The following SEMA3D variants were observed in gnomAD, a reference collection of about 807,000 sequenced individuals.
SEMA3D encodes the protein semaphorin-3D.
In SEMA3D, 84 loss-of-function variants were observed where a neutral mutation model predicts 100.1. That is an observed-to-expected ratio of 0.84 (90% CI 0.70 to 1.01). The LOEUF (loss-of-function observed/expected upper bound fraction) is 1.01. SEMA3D is among the 50% of genes least tolerant of loss of function. The pLI, the probability that SEMA3D is intolerant of heterozygous loss-of-function variation, is 0.00. For synonymous variants in SEMA3D, 312 were observed against 320.7 expected, an observed-to-expected ratio of 0.97 and a Z score of 0.29; for missense variants, 875 against 934.1, an observed-to-expected ratio of 0.94 and a Z score of 0.82.
chr7:85,080,384 G>T (rs1339329689), intron 5 of SEMA3D, among the ~76,000 whole-genome samples: 1 of 151,992 alleles, frequency 6.6e-6, no homozygotes, highest in East Asian at 1.9e-4. Flanking sequence ...ACAACCTTAG[G>T]CATTATATGT....
At chr7:85,201,090 A>G in the SEMA3D span, among the ~76,000 whole-genome samples, 1 of 152,214 alleles carries the variant, frequency 6.6e-6, no homozygotes, top group South Asian at 2.1e-4. Context: ...TCTTCTTTTG[A>G]TATACCAAAA....
At chr7:85,003,004 C>T (rs1156357375) in intron 18 of SEMA3D, among the ~76,000 whole-genome samples, 1 of 152,006 alleles carries the variant, frequency 6.6e-6, no homozygotes. Context: ...TATCCCCTTT[C>T]TCTAACAAAC....
chr7:85,141,214 C>T (rs1263866315), intron 2 of SEMA3D: 2 of 983,400 alleles, frequency 2.0e-6, no homozygotes, highest in Non-Finnish European at 2.4e-6. Context: ...TATTAACCCC[C>T]TCTCTTATTT....
the SEMA3D span, among the ~76,000 whole-genome samples, chr7:85,195,009 CA>C: frequency 4.6e-5 from 7 of 152,074 alleles, no homozygotes; most frequent in African/African-American, 7.2e-5. Context: ...TTTAGGACTT[CA>C]ATACATATGA....
intron 1 of SEMA3D, among the ~76,000 whole-genome samples, chr7:85,183,426 A>T (rs1366076039): frequency 6.6e-6 from 1 of 152,212 alleles, no homozygotes; most frequent in Non-Finnish European, 1.5e-5. Flanking sequence ...TGGTGACTCA[A>T]GTTCAAACCT....
At chr7:85,061,617 G>A (rs1249827774) in intron 8 of SEMA3D, among the ~76,000 whole-genome samples, 4 of 152,140 alleles carry the variant, frequency 2.6e-5, no homozygotes, top group African/African-American at 9.7e-5. Context: ...TAGGCTGACT[G>A]TATCTGGAAA....
chr7:85,047,739 C>A (rs561771740), intron 9 of SEMA3D, among the ~76,000 whole-genome samples: 2 of 151,730 alleles, frequency 1.3e-5, no homozygotes, highest in Non-Finnish European at 2.9e-5. Flanking sequence ...TTGAAGGACA[C>A]CAGTTTCAAA....
chr7:85,167,051 G>T (rs957674571), intron 1 of SEMA3D, among the ~76,000 whole-genome samples: 2 of 151,846 alleles, frequency 1.3e-5, no homozygotes, highest in African/African-American at 4.8e-5. Context: ...AAACGTATTG[G>T]CCTTAGAGAA....
chr7:85,059,198 A>C (rs1791407816), intron 8 of SEMA3D, among the ~76,000 whole-genome samples: 1 of 152,224 alleles, frequency 6.6e-6, no homozygotes, highest in Non-Finnish European at 1.5e-5. Context: ...GTGTATTTTA[A>C]ACATATACAA....
At chr7:85,053,054 T>C (rs959281228) in intron 9 of SEMA3D, among the ~76,000 whole-genome samples, 1 of 151,896 alleles carries the variant, frequency 6.6e-6, no homozygotes, top group Admixed American at 6.6e-5. Flanking sequence ...TGAAGGGAGC[T>C]CTTAAATTGT....
intron 3 of SEMA3D, among the ~76,000 whole-genome samples, chr7:85,104,068 T>C (rs1788830069): frequency 6.6e-6 from 1 of 152,090 alleles, no homozygotes; most frequent in Non-Finnish European, 1.5e-5. Context: ...TTTCCACATG[T>C]AGTTAGTAAT....
At chr7:85,113,286 GA>G (rs1204981951) in intron 3 of SEMA3D, among the ~76,000 whole-genome samples, 1 of 151,946 alleles carries the variant, frequency 6.6e-6, no homozygotes, top group Non-Finnish European at 1.5e-5. Context: ...TATTATTCAG[GA>G]AAAAAATTTG....
At chr7:85,159,057 C>A (rs34319950) in intron 1 of SEMA3D, among the ~76,000 whole-genome samples, 26,338 of 152,028 alleles carry the variant, frequency 0.17, 2,650 homozygotes, top group Non-Finnish European at 0.23. Flanking sequence ...CTGGTGGGAC[C>A]CAACACCTTT....
intron 1 of SEMA3D, among the ~76,000 whole-genome samples, chr7:85,181,326 AC>A (rs1185447831): frequency 1.2e-4 from 12 of 100,858 alleles, no homozygotes; most frequent in African/African-American, 5.1e-4. Flanking sequence ...CACAACACAC[AC>A]ACACACACAC....
intron 2 of SEMA3D, among the ~76,000 whole-genome samples, chr7:85,146,126 T>C (rs879874867): frequency 5.9e-5 from 9 of 152,204 alleles, no homozygotes; most frequent in Non-Finnish European, 1.0e-4. Flanking sequence ...TTGGTATAAA[T>C]AGATAATTCA....
chr7:85,209,828 G>A, the SEMA3D span, among the ~76,000 whole-genome samples: 7 of 151,962 alleles, frequency 4.6e-5, no homozygotes, highest in African/African-American at 1.7e-4. Flanking sequence ...TTCCCACAAG[G>A]TCAATTAAAA....
At chr7:85,143,547 C>T (rs186464915) in intron 2 of SEMA3D, among the ~76,000 whole-genome samples, 3 of 152,126 alleles carry the variant, frequency 2.0e-5, no homozygotes, top group African/African-American at 7.2e-5. Flanking sequence ...CTTATCTAAA[C>T]ATAGAAGAGA....
At chr7:85,185,944 C>T (rs951047526) in intron 1 of SEMA3D, among the ~76,000 whole-genome samples, 2 of 152,172 alleles carry the variant, frequency 1.3e-5, no homozygotes, top group Admixed American at 6.5e-5. Flanking sequence ...AGAGATCCCC[C>T]GAGTGTTTTG....
intron 2 of SEMA3D, among the ~76,000 whole-genome samples, chr7:85,148,470 C>T (rs567313299): frequency 6.6e-6 from 1 of 152,210 alleles, no homozygotes; most frequent in South Asian, 2.1e-4. Context: ...TACTAACGTC[C>T]TTAGCTGAGA....
Sources: allele counts gnomAD v4.1 joint callset (sites outside exome capture counted in the v4.1 genomes callset), GRCh38; gene constraint gnomAD v4.1.1; transcripts MANE v1.5; gene names NCBI Gene and HGNC (gene_info 2026-07-23, HGNC 2026-07-21).